The following TRIOBP variants were observed in gnomAD, a reference collection of about 807,000 sequenced individuals.
The protein encoded by TRIOBP is TRIO and F-actin binding protein.
A neutral mutation model predicts 238.8 loss-of-function variants in TRIOBP; 169 were observed. The ratio of observed to expected loss-of-function variants is 0.71; its 90% confidence interval spans 0.62 to 0.80. The LOEUF (loss-of-function observed/expected upper bound fraction) is 0.80. Among genes scored for constraint, TRIOBP ranks in the 30% least tolerant of loss-of-function variants. TRIOBP has a pLI of 0.00. For missense variants in TRIOBP, 2,838 were observed against 3,122.6 expected, an observed-to-expected ratio of 0.91 and a Z score of 2.17; for synonymous variants, 1,150 against 1,274.4, an observed-to-expected ratio of 0.90 and a Z score of 2.08.
intron 13 of TRIOBP, 41 bp downstream of exon 13, chr22:37,755,025 G>A (rs975699150): frequency 5.3e-5 from 86 of 1,611,312 alleles, no homozygotes; most frequent in Middle Eastern, 1.6e-4. Context: ...GGAAGGGCCT[G>A]GGGTGGCCTG....
chr22:37,768,244 CT>C, intron 19 of TRIOBP, 68 bp downstream of exon 19: 1 of 1,324,552 alleles, frequency 7.5e-7, no homozygotes, highest in East Asian at 2.5e-5. Flanking sequence ...GCTGAGGCCC[CT>C]TGGCAGCGGA....
Position 37,759,477 on chromosome 22 carries a change from TG to T in TRIOBP, c.6324+214del, listed in dbSNP as rs745631705. The stretch of plus-strand genomic sequence containing the variant: ...AAGGCCACTGAGCTCTGAGAGGTTA[TG>T]TGACTTGCCCAAGGTCACCCCGCCT... On this transcript the variant is annotated intron_variant, in intron 17 of 23. Transcript: ENST00000644935. 40 of 1,578,146 alleles carry T rather than the reference TG, an allele frequency of 2.5e-5. No individual in the cohort carries two copies. The African/African-American group carries it at 5.0e-4, about 20-fold the overall frequency.
intron 11 of TRIOBP, among the ~76,000 whole-genome samples, chr22:37,742,187 G>T (rs557755747): frequency 3.7e-4 from 56 of 150,822 alleles, no homozygotes; most frequent in Non-Finnish European, 7.4e-4. Context: ...TTGAACTCCC[G>T]ACCTCAGGTA....
intron 4 of TRIOBP, among the ~76,000 whole-genome samples, chr22:37,711,407 T>C (rs564607043): frequency 6.6e-6 from 1 of 151,882 alleles, no homozygotes; most frequent in African/African-American, 2.4e-5. Flanking sequence ...GGCGAAACCC[T>C]GTCTCTACTA....
intron 2 of TRIOBP, among the ~76,000 whole-genome samples, chr22:37,699,316 G>A (rs970052837): frequency 6.6e-6 from 1 of 152,150 alleles, no homozygotes; most frequent in Non-Finnish European, 1.5e-5. Context: ...TGCTTCCCAA[G>A]GGACCTGTGC....
intron 4 of TRIOBP, among the ~76,000 whole-genome samples, chr22:37,710,945 G>A (rs1923206156): frequency 6.6e-6 from 1 of 152,180 alleles, no homozygotes; most frequent in African/African-American, 2.4e-5. Context: ...GGTTCCCTTT[G>A]CACAGCTTTA....
chr22:37,740,611 A>G (rs1447945086), intron 10 of TRIOBP, among the ~76,000 whole-genome samples: 2 of 152,266 alleles, frequency 1.3e-5, no homozygotes, highest in East Asian at 1.9e-4. Context: ...GGGCAGAAAC[A>G]TACCTGTGGT....
intron 17 of TRIOBP, among the ~76,000 whole-genome samples, chr22:37,761,684 G>A (rs73168259): frequency 0.029 from 4,418 of 152,208 alleles, 95 homozygotes; most frequent in Non-Finnish European, 0.047. Context: ...GCCTTTGGGG[G>A]CCCTGAGGCT....
chr22:37,727,620 A>T (rs1194180121), intron 7 of TRIOBP, among the ~76,000 whole-genome samples: 7 of 152,166 alleles, frequency 4.6e-5, no homozygotes, highest in Non-Finnish European at 5.9e-5. Flanking sequence ...GTGAGCCGAG[A>T]TCGTACCACT....
chr22:37,756,102 A>G (rs1270132798), intron 15 of TRIOBP, among the ~76,000 whole-genome samples: 1 of 152,204 alleles, frequency 6.6e-6, no homozygotes, highest in Admixed American at 6.5e-5. Context: ...CCCACAGTTT[A>G]TACCCAGATG....
chr22:37,758,234 T>C (rs1313154365), intron 16 of TRIOBP, 96 bp downstream of exon 16: 8 of 1,484,784 alleles, frequency 5.4e-6, no homozygotes, highest in Non-Finnish European at 4.6e-6. Context: ...ACTCCTACAG[T>C]GATGGGGAGC....
At chr22:37,744,057 G>A (rs1173150502) in intron 11 of TRIOBP, among the ~76,000 whole-genome samples, 15 of 147,386 alleles carry the variant, frequency 1.0e-4, no homozygotes, top group Non-Finnish European at 2.1e-4. Flanking sequence ...AGGCTGGAGT[G>A]GAATGCAGTG....
chr22:37,738,736 T>TA lies in TRIOBP; in HGVS notation c.5184+17_5184+18insA. ...GCAGACTCGGTAGCTGGGTCATGGG[T>TA]GTGGGTACATACGGTGGGGAAGGGA... is the stretch of plus-strand genomic sequence containing the variant. On this transcript the variant is annotated intron_variant, in intron 10 of 23. Coordinates refer to ENST00000644935, the MANE Select transcript of TRIOBP (RefSeq NM_001039141.3). The TA allele has an allele frequency of 6.2e-7, 1 of 1,613,144 alleles. No homozygotes were observed. The highest frequency in any genetic ancestry group is 8.5e-7 in the Non-Finnish European group (1 of 1,179,548).
intron 11 of TRIOBP, among the ~76,000 whole-genome samples, chr22:37,750,328 G>A (rs1397407243): frequency 1.3e-5 from 2 of 152,218 alleles, no homozygotes; most frequent in Non-Finnish European, 2.9e-5. Flanking sequence ...TGGCTCCTCC[G>A]GGCTAGGTGG....
chr22:37,738,732 T>C lies in TRIOBP; in HGVS notation c.5184+13T>C, dbSNP rs1924801955. 1 of 1,613,470 alleles carries C rather than the reference T, an allele frequency of 6.2e-7. No individual in the cohort carries two copies. Among genetic ancestry groups the C allele is most frequent in the African/African-American group, 1.3e-5 (1 of 74,912 alleles). ...GCAGGCAGACTCGGTAGCTGGGTCA[T>C]GGGTGTGGGTACATACGGTGGGGAA... On this transcript the variant is annotated intron_variant, in intron 10 of 23. Transcript: ENST00000644935.
intron 3 of TRIOBP, 53 bp downstream of exon 3, chr22:37,701,532 A>G (rs1922644618): frequency 1.5e-6 from 2 of 1,327,416 alleles, no homozygotes; most frequent in African/African-American, 1.4e-5. Context: ...GCATGGGTGA[A>G]GGACTGGGCC....
chr22:37,739,547 A>G (rs1924838890), intron 10 of TRIOBP, among the ~76,000 whole-genome samples: 1 of 152,202 alleles, frequency 6.6e-6, no homozygotes, highest in South Asian at 2.1e-4. Flanking sequence ...TTATACAGTC[A>G]GTGGCTAGCT....
At chr22:37,702,469 G>T (rs1236778089) in intron 3 of TRIOBP, among the ~76,000 whole-genome samples, 1 of 152,048 alleles carries the variant, frequency 6.6e-6, no homozygotes, top group Middle Eastern at 3.2e-3. Flanking sequence ...CTCCCAAAGT[G>T]TTGGGATTAC....
At chr22:37,765,871 G>T in intron 18 of TRIOBP, 54 bp downstream of exon 18, 2 of 1,542,724 alleles carry the variant, frequency 1.3e-6, no homozygotes, top group Non-Finnish European at 1.7e-6. Flanking sequence ...CTGTGCTGAG[G>T]TTCCTCCTAG....
Sources: gnomAD v4.1 joint callset for allele counts (sites outside exome capture counted in the v4.1 genomes callset) on GRCh38, gnomAD v4.1.1 for gene constraint, MANE v1.5 for transcripts, NCBI Gene and HGNC (gene_info 2026-07-23, HGNC 2026-07-21) for gene names.